NXPH1: variants seen among roughly 807,000 people sequenced by gnomAD.
NXPH1 encodes neurexophilin 1, also known as neurexophilin-1.
A neutral mutation model predicts 23.7 loss-of-function variants in NXPH1; 5 were observed. That is an observed-to-expected ratio of 0.21 (90% CI 0.11 to 0.44). NXPH1 has a LOEUF of 0.44. Ranked by LOEUF, NXPH1 falls within the 20% of genes least tolerant of loss-of-function variation. The pLI is 0.99. For missense variants in NXPH1, 324 were observed against 321.6 expected (o/e 1.01, Z -0.06); for synonymous variants, 144 against 122.2 (o/e 1.18, Z -1.18).
chr7:8,660,864 T>C (rs1334164931), intron 2 of NXPH1, among the ~76,000 whole-genome samples: 1 of 152,134 alleles, frequency 6.6e-6, no homozygotes, highest in African/African-American at 2.4e-5. Flanking sequence ...CTTTTATTTA[T>C]CAAAAATTTC....
intron 2 of NXPH1, among the ~76,000 whole-genome samples, chr7:8,600,288 A>T (rs951111492): frequency 6.6e-6 from 1 of 152,134 alleles, no homozygotes; most frequent in East Asian, 1.9e-4. Context: ...GTAAAAAGCT[A>T]ATTTGGAAAC....
Position 8,619,130 on chromosome 7 carries a change from C to G in NXPH1, c.55-131878C>G, listed in dbSNP as rs1819809083. The stretch of plus-strand genomic sequence containing the variant: ...AGCTTGATTTTAGGATTATGTCTGC[C>G]CTGGTACCCTTGGCGAACGTTTCTG... On this transcript the variant is annotated intron_variant, in intron 2 of 2. Coordinates refer to ENST00000405863, the MANE Select transcript of NXPH1 (RefSeq NM_152745.3). Among the ~76,000 whole-genome samples the G allele has an allele frequency of 5.3e-5, 8 of 152,078 alleles. No individual in the cohort carries two copies. The South Asian group carries it at 1.7e-3, about 32-fold the overall frequency.
intron 2 of NXPH1, among the ~76,000 whole-genome samples, chr7:8,673,353 G>GA (rs1261320518): frequency 1.3e-5 from 2 of 152,122 alleles, no homozygotes; most frequent in African/African-American, 4.8e-5. Flanking sequence ...CAAGTTCTCA[G>GA]ATATAAGTTG....
At chr7:8,574,343 G>A (rs541524742) in intron 2 of NXPH1, among the ~76,000 whole-genome samples, 1 of 151,880 alleles carries the variant, frequency 6.6e-6, no homozygotes, top group East Asian at 1.9e-4. Flanking sequence ...CCAGCTCCTG[G>A]GCTCCAGCGA....
intron 2 of NXPH1, among the ~76,000 whole-genome samples, chr7:8,699,906 G>A (rs1052487504): frequency 1.3e-5 from 2 of 152,090 alleles, no homozygotes; most frequent in African/African-American, 4.8e-5. Context: ...TTACTATGTG[G>A]AAGATATAGA....
intron 2 of NXPH1, among the ~76,000 whole-genome samples, chr7:8,494,362 C>A (rs181087901): frequency 2.0e-5 from 3 of 151,830 alleles, no homozygotes; most frequent in African/African-American, 7.3e-5. Context: ...TTTGTATCCA[C>A]CTGTGAGATA....
chr7:8,710,836 G>C (rs1182697528), intron 2 of NXPH1, among the ~76,000 whole-genome samples: 1 of 134,818 alleles, frequency 7.4e-6, no homozygotes, highest in Non-Finnish European at 1.5e-5. Context: ...CTAATTTTTT[G>C]TATTTTTAGT....
At chr7:8,617,415 C>G (rs774497302) in intron 2 of NXPH1, among the ~76,000 whole-genome samples, 2 of 151,894 alleles carry the variant, frequency 1.3e-5, no homozygotes, top group Admixed American at 1.3e-4. Context: ...AAGTGTCCAT[C>G]AACAGATGAA....
intron 2 of NXPH1, among the ~76,000 whole-genome samples, chr7:8,528,631 G>C (rs1367449839): frequency 2.6e-5 from 4 of 152,108 alleles, no homozygotes; most frequent in African/African-American, 9.7e-5. Context: ...TTCTTTGAAG[G>C]AACAGCTTTA....
chr7:8,498,857 A>G (rs910925208), intron 2 of NXPH1, among the ~76,000 whole-genome samples: 1 of 152,024 alleles, frequency 6.6e-6, no homozygotes, highest in African/African-American at 2.4e-5. Context: ...AGTCAAATAG[A>G]ATGTAGGTTA....
At chr7:8,542,801 A>G (rs917821120) in intron 2 of NXPH1, among the ~76,000 whole-genome samples, 1 of 151,518 alleles carries the variant, frequency 6.6e-6, no homozygotes, top group African/African-American at 2.4e-5. Flanking sequence ...AAAATTACCA[A>G]TATAGGAATA....
At chr7:8,503,614 CA>C (rs1817474017) in intron 2 of NXPH1, among the ~76,000 whole-genome samples, 1 of 151,982 alleles carries the variant, frequency 6.6e-6, no homozygotes, top group Non-Finnish European at 1.5e-5. Context: ...ACCCAAACCT[CA>C]AACCTACTTT....
At chr7:8,712,117 A>C (rs1365356325) in intron 2 of NXPH1, among the ~76,000 whole-genome samples, 1 of 152,246 alleles carries the variant, frequency 6.6e-6, no homozygotes, top group East Asian at 1.9e-4. Context: ...ATGTGACTAC[A>C]GCACTGGTAT....
At chr7:8,657,983 G>T (rs528062345) in intron 2 of NXPH1, among the ~76,000 whole-genome samples, 1 of 152,272 alleles carries the variant, frequency 6.6e-6, no homozygotes, top group Non-Finnish European at 1.5e-5. Context: ...AGCCGAGATC[G>T]TGCCACTGCA....
At chr7:8,569,382 T>A (rs1562405868) in intron 2 of NXPH1, among the ~76,000 whole-genome samples, 1 of 151,904 alleles carries the variant, frequency 6.6e-6, no homozygotes, top group Non-Finnish European at 1.5e-5. Flanking sequence ...ATTTTTGAGA[T>A]AATCAAGGAA....
intron 2 of NXPH1, among the ~76,000 whole-genome samples, chr7:8,676,988 C>T (rs1736215849): frequency 6.6e-6 from 1 of 152,138 alleles, no homozygotes; most frequent in African/African-American, 2.4e-5. Context: ...TACTGGGTCT[C>T]TATGTTTTGT....
rs189696346 is a variant in NXPH1 at position 8,545,981 on chromosome 7, T to G, written c.54+110214T>G. On this transcript the variant is annotated intron_variant, in intron 2 of 2. Transcript: ENST00000405863. ...GCTCACAGTGGGTAGAGAGACCAGCTGTTGTACTTTTGATTTCACCGTAAA... is the reference window on the plus strand; with the variant it reads ...GCTCACAGTGGGTAGAGAGACCAGCGGTTGTACTTTTGATTTCACCGTAAA... 4.5e-3 allele frequency among the ~76,000 whole-genome samples: 684 copies of G among 151,660 alleles called. 1 individual carries two copies. Among genetic ancestry groups the G allele is most frequent in the Admixed American group, 7.4e-3 (112 of 15,212 alleles).
chr7:8,711,673 G>A (rs1779797557), intron 2 of NXPH1, among the ~76,000 whole-genome samples: 1 of 152,108 alleles, frequency 6.6e-6, no homozygotes, highest in African/African-American at 2.4e-5. Context: ...TGTGCATGTA[G>A]GGGTGTGTAT....
intron 2 of NXPH1, among the ~76,000 whole-genome samples, chr7:8,641,530 C>T (rs959542122): frequency 7.9e-5 from 12 of 152,116 alleles, no homozygotes; most frequent in African/African-American, 2.9e-4. Context: ...CAATTCCCAC[C>T]CCCAGAGACA....
Sources: allele counts gnomAD v4.1 joint callset (sites outside exome capture counted in the v4.1 genomes callset), GRCh38; gene constraint gnomAD v4.1.1; transcripts MANE v1.5; gene names NCBI Gene and HGNC (gene_info 2026-07-23, HGNC 2026-07-21).